The following ZRANB1 variants were observed in gnomAD, a reference collection of about 807,000 sequenced individuals.
ZRANB1 encodes ubiquitin thioesterase ZRANB1.
ZRANB1 carries 16 observed loss-of-function variants against 80.5 expected under a neutral mutation model. That is an observed-to-expected ratio of 0.20 (90% confidence interval 0.13 to 0.30). The LOEUF is 0.30. Among genes scored for constraint, ZRANB1 ranks in the 10% least tolerant of loss-of-function variants. ZRANB1 has a pLI of 1.00. For synonymous variants in ZRANB1, 291 were observed against 293.1 expected (o/e 0.99, Z 0.07); for missense variants, 576 against 862.6 (o/e 0.67, Z 4.16).
chr10:124,945,436 A>ATTTTTTGG (rs1951573821), intron 1 of ZRANB1: 1 of 81,806 alleles, frequency 1.2e-5, no homozygotes, highest in African/African-American at 8.1e-5. Context: ...TTTTTTTTTC[A>ATTTTTTGG]GGGAGTAGTG....
At chr10:124,955,231 T>C (rs1326825435) in intron 1 of ZRANB1, among the ~76,000 whole-genome samples, 1 of 151,448 alleles carries the variant, frequency 6.6e-6, no homozygotes, top group Admixed American at 6.6e-5. Context: ...AGGTTTTTTT[T>C]TGTTTTTTTT....
At chr10:124,925,525 T>A in the ZRANB1 span, among the ~76,000 whole-genome samples, 1 of 152,230 alleles carries the variant, frequency 6.6e-6, no homozygotes, top group East Asian at 1.9e-4. Context: ...GCAAATACTT[T>A]CTTCTGTCTG....
chr10:124,929,677 G>A, the ZRANB1 span, among the ~76,000 whole-genome samples: 1 of 151,600 alleles, frequency 6.6e-6, no homozygotes, highest in Non-Finnish European at 1.5e-5. Context: ...GCTGGGCGCC[G>A]TGGCTCATGC....
At chr10:124,939,849 G>A (rs1951519617), upstream of ZRANB1, among the ~76,000 whole-genome samples, 1 of 151,944 alleles carries the variant, frequency 6.6e-6, no homozygotes. Flanking sequence ...TTTCTGGATG[G>A]TTATATCATT....
At chr10:124,917,251 G>A in the ZRANB1 span, 18 of 157,126 alleles carry the variant, frequency 1.1e-4, no homozygotes, top group Non-Finnish European at 2.2e-4. Context: ...GCAGGAGCTG[G>A]AGGAGGAGCC....
At chr10:124,980,781 T>C (rs76493174) in intron 5 of ZRANB1, among the ~76,000 whole-genome samples, 46 of 152,198 alleles carry the variant, frequency 3.0e-4, no homozygotes, top group East Asian at 7.7e-4. Flanking sequence ...ACTTTTTTTT[T>C]CCCCCCGCAA....
the ZRANB1 span, among the ~76,000 whole-genome samples, chr10:124,922,995 T>A: frequency 2.6e-5 from 4 of 152,068 alleles, no homozygotes; most frequent in African/African-American, 9.7e-5. Flanking sequence ...CACATTGCTA[T>A]AAAGAACTAT....
intron 1 of ZRANB1, among the ~76,000 whole-genome samples, chr10:124,956,213 G>A (rs747556470): frequency 1.3e-5 from 2 of 152,038 alleles, no homozygotes; most frequent in African/African-American, 4.8e-5. Flanking sequence ...TATATTAAAC[G>A]AACACATTGA....
At chr10:124,956,012 G>A (rs1253153718) in intron 1 of ZRANB1, among the ~76,000 whole-genome samples, 1 of 152,154 alleles carries the variant, frequency 6.6e-6, no homozygotes, top group African/African-American at 2.4e-5. Flanking sequence ...ATTCTTCTTG[G>A]TTGCCTTTAG....
At chr10:124,965,574 C>A (rs1364191420) in intron 1 of ZRANB1, among the ~76,000 whole-genome samples, 1 of 152,106 alleles carries the variant, frequency 6.6e-6, no homozygotes, top group Admixed American at 6.5e-5. Flanking sequence ...ATTCCTAGTT[C>A]AAGATGGCAA....
chr10:124,980,975 C>T (rs1028233985), intron 5 of ZRANB1, among the ~76,000 whole-genome samples: 2 of 152,084 alleles, frequency 1.3e-5, no homozygotes. Context: ...TTTCTTTTAC[C>T]TAGAATTCAG....
chr10:124,969,108 C>G (rs564088557), intron 2 of ZRANB1, among the ~76,000 whole-genome samples: 3 of 152,280 alleles, frequency 2.0e-5, no homozygotes, highest in South Asian at 2.1e-4. Context: ...GGCCTGTCTA[C>G]AGGGATGCTC....
chr10:124,984,148 G>A (rs1459775799), intron 8 of ZRANB1, among the ~76,000 whole-genome samples: 2 of 152,116 alleles, frequency 1.3e-5, no homozygotes, highest in South Asian at 2.1e-4. Context: ...TCTGGATAAC[G>A]TGGTAAACCA....
At chr10:124,960,851 C>T (rs1463356951) in intron 1 of ZRANB1, among the ~76,000 whole-genome samples, 2 of 152,132 alleles carry the variant, frequency 1.3e-5, no homozygotes, top group African/African-American at 4.8e-5. Context: ...TCAAATTCAG[C>T]CAGGGTAACT....
In ZRANB1 at chr10:124,942,277, A is replaced by G. The variant is rs564413648; in HGVS notation, c.-217A>G. 61 of 1,375,460 alleles carry G rather than the reference A, an allele frequency of 4.4e-5. No individual in the cohort carries two copies. The highest frequency in any genetic ancestry group is 5.6e-5 in the Non-Finnish European group (60 of 1,067,390). The allele number at this position is 1,375,460 out of a possible 1,614,324, so 85.2% of individuals were successfully genotyped here. On this transcript the variant is annotated 5_prime_UTR_variant, in exon 1 of 9. Transcript: ENST00000359653. The stretch of plus-strand genomic sequence containing the variant: ...AGGGTCTAAGATTTTTTCTTTGAGA[A>G]TTTATCTCCAGTGTTTCTATGGAAA...
rs1410404563 is a variant in ZRANB1, at chr10:124,942,599, A to G, written c.106A>G (p.Ile36Val). ...MCRAQRPSGT[I>V]ITEDPFKSGS... Reference sequence around the variant, plus strand: ...TCGTGCCCAAAGACCTAGTGGAACAATTATTACAGAAGATCCATTTAAAAG... The same window carrying G: ...TCGTGCCCAAAGACCTAGTGGAACAGTTATTACAGAAGATCCATTTAAAAG... Residue 36 changes from isoleucine (I) to valine (V), a missense_variant, in exon 1 of 9, where the codon ATT becomes GTT. Physicochemically the swap from Ile to Val is conservative, Grantham distance 29. Transcript: ENST00000359653. 12 of 1,614,096 alleles carry G rather than the reference A, an allele frequency of 7.4e-6. No homozygotes were observed. The highest frequency in any genetic ancestry group is 1.6e-4 in the Middle Eastern group (1 of 6,084).
the ZRANB1 span, among the ~76,000 whole-genome samples, chr10:124,929,908 G>A: frequency 1.4e-5 from 2 of 140,490 alleles, no homozygotes; most frequent in African/African-American, 5.4e-5. Flanking sequence ...ATCTGCCATC[G>A]CACTCCAGCC....
rs1952006948 is a variant in ZRANB1 at position 124,985,238 on chromosome 10, T to A, written c.*246T>A. 1 of 407,870 alleles carries A rather than the reference T, an allele frequency of 2.5e-6. No homozygotes were observed. The highest frequency in any genetic ancestry group is 5.9e-5 in the South Asian group (1 of 17,030). 25.3% of individuals were successfully genotyped at this position (407,870 alleles called of 1,614,324 possible). A position where few individuals can be genotyped will look rare whatever the true frequency, so the allele number is the denominator to read the frequency against. On this transcript the variant is annotated 3_prime_UTR_variant, in exon 9 of 9. Transcript: ENST00000359653. ...AATTTTATTAAGACAGAACTTTTTT[T>A]CCTTCCAAATTGTAAATCTGTCTAT...
the ZRANB1 span, among the ~76,000 whole-genome samples, chr10:124,916,906 G>A: frequency 1.3e-5 from 2 of 152,056 alleles, no homozygotes; most frequent in African/African-American, 4.8e-5. Flanking sequence ...TTGGCTCCGG[G>A]TCCCTCGGCC....
Sources: gnomAD v4.1 joint callset for allele counts (sites outside exome capture counted in the v4.1 genomes callset) on GRCh38, gnomAD v4.1.1 for gene constraint, MANE v1.5 for transcripts, NCBI Gene and HGNC (gene_info 2026-07-23, HGNC 2026-07-21) for gene names.